TRIM13: variants seen among roughly 807,000 people sequenced by gnomAD.
TRIM13 encodes the protein E3 ubiquitin-protein ligase TRIM13.
A neutral mutation model predicts 27.1 loss-of-function variants in TRIM13; 15 were observed. The observed-to-expected ratio is 0.55, with a 90% CI of 0.37 to 0.85. TRIM13 has a LOEUF of 0.85. TRIM13 is among the 40% of genes least tolerant of loss of function. TRIM13 has a pLI of 0.00. For missense variants in TRIM13, 402 were observed against 472.2 expected, an observed-to-expected ratio of 0.85 and a Z score of 1.38; for synonymous variants, 193 against 171.5, an observed-to-expected ratio of 1.13 and a Z score of -0.98.
chr13:50,013,923 TGTGTGG>T lies in TRIM13; in HGVS notation c.*761_*766del, dbSNP rs1875984093. Reference sequence around the variant, plus strand: ...GTAGAAGATTTCACACACACACGCGTGTGTGGGAGACAACTAAAGGTATTGAAGGTA... The same window carrying T: ...GTAGAAGATTTCACACACACACGCGTGAGACAACTAAAGGTATTGAAGGTA... On this transcript the variant is annotated 3_prime_UTR_variant, in exon 2 of 2. Transcript: ENST00000378182. 6.0e-6 allele frequency: 1 copy of T among 166,700 alleles called. No homozygotes were observed. Among genetic ancestry groups the T allele is most frequent in the Non-Finnish European group, 1.5e-5 (1 of 68,040 alleles). The allele number at this position is 166,700 out of a possible 1,614,324, so 10.3% of individuals were successfully genotyped here.
rs879170111 is a variant in TRIM13, at chr13:50,014,360, T to TATATATATATATATATATGTACAC, written c.*1197_*1198insTATATATATATATATATGTACACA. 6 of 58,544 alleles carry TATATATATATATATATATGTACAC rather than the reference T, an allele frequency of 1.0e-4. No individual in the cohort carries two copies. The highest frequency in any genetic ancestry group is 4.3e-4 in the African/African-American group (6 of 13,974). The allele number at this position is 58,544 out of a possible 1,614,324, so 3.6% of individuals were successfully genotyped here. A position where few individuals can be genotyped will look rare whatever the true frequency, so the allele number is the denominator to read the frequency against. On this transcript the variant is annotated 3_prime_UTR_variant, in exon 2 of 2. Coordinates refer to ENST00000378182, the MANE Select transcript of TRIM13 (RefSeq NM_213590.3). The stretch of plus-strand genomic sequence containing the variant: ...AAAAAAAAAAATATATATATATATA[T>TATATATATATATATATATGTACAC]ACACACACACACACACATATGTACA...
chr13:50,000,055 C>G (rs1411406639), intron 1 of TRIM13, among the ~76,000 whole-genome samples: 3 of 152,116 alleles, frequency 2.0e-5, no homozygotes, highest in African/African-American at 7.2e-5. Context: ...TCTATTCCTA[C>G]CCCATAACTT....
intron 1 of TRIM13, among the ~76,000 whole-genome samples, chr13:49,998,031 T>G (rs992886373): frequency 6.6e-6 from 1 of 152,204 alleles, no homozygotes; most frequent in Admixed American, 6.5e-5. Context: ...TTCCTACTTT[T>G]TTTTCCCTTC....
At chr13:50,007,782 CA>C (rs34741583) in intron 1 of TRIM13, among the ~76,000 whole-genome samples, 78,402 of 127,820 alleles carry the variant, frequency 0.61, 24,167 homozygotes, top group Non-Finnish European at 0.74. Context: ...GACTTAGTCT[CA>C]AAAAAAAAAA....
At chr13:50,010,204 A>C (rs1239577718) in intron 1 of TRIM13, among the ~76,000 whole-genome samples, 1 of 151,924 alleles carries the variant, frequency 6.6e-6, no homozygotes, top group Non-Finnish European at 1.5e-5. Context: ...GCATGCCACC[A>C]TGGCTGGCTA....
chr13:50,015,432 T>G lies in TRIM13; in HGVS notation c.*2268T>G. ...AATCATGTATAACTAGCAACATTTA[T>G]GGTTATAGGTTGATTTCCTAAGTGT... is the stretch of plus-strand genomic sequence containing the variant. On this transcript the variant is annotated 3_prime_UTR_variant, in exon 2 of 2. Transcript: ENST00000378182. 1 of 1,197,628 alleles carries G rather than the reference T, an allele frequency of 8.3e-7. No individual in the cohort carries two copies. The allele number at this position is 1,197,628 out of a possible 1,614,324, so 74.2% of individuals were successfully genotyped here.
In TRIM13 at chr13:50,013,934, CAACT is replaced by C. The variant is rs1566444122; in HGVS notation, c.*773_*776del. The stretch of plus-strand genomic sequence containing the variant: ...CACACACACACGCGTGTGTGGGAGA[CAACT>C]AAAGGTATTGAAGGTACTAATTAAT... On this transcript the variant is annotated 3_prime_UTR_variant, in exon 2 of 2. Coordinates refer to ENST00000378182, the MANE Select transcript of TRIM13 (RefSeq NM_213590.3). The C allele has an allele frequency of 6.0e-6, 1 of 166,386 alleles. No individual in the cohort carries two copies. Among genetic ancestry groups the C allele is most frequent in the Non-Finnish European group, 1.5e-5 (1 of 67,974 alleles). 10.3% of individuals were successfully genotyped at this position (166,386 alleles called of 1,614,324 possible). A position where few individuals can be genotyped will look rare whatever the true frequency, so the allele number is the denominator to read the frequency against.
chr13:50,005,603 A>G (rs371679754), intron 1 of TRIM13, among the ~76,000 whole-genome samples: 3 of 151,694 alleles, frequency 2.0e-5, no homozygotes, highest in East Asian at 3.9e-4. Context: ...TGAACCCAGG[A>G]GGCGGAGGTT....
intron 1 of TRIM13, among the ~76,000 whole-genome samples, chr13:50,004,803 C>T (rs1221921134): frequency 1.3e-5 from 2 of 150,260 alleles, no homozygotes; most frequent in African/African-American, 2.4e-5. Context: ...GGGCCAGGTG[C>T]GGTGGCTCAC....
chr13:50,002,660 CTCTT>C (rs1167205671), intron 1 of TRIM13, among the ~76,000 whole-genome samples: 11 of 151,148 alleles, frequency 7.3e-5, no homozygotes, highest in Admixed American at 2.6e-4. Flanking sequence ...TAATGGATCT[CTCTT>C]TTTTTTTTTT....
rs980005698 is a variant in TRIM13 at position 50,014,042 on chromosome 13, T to A, written c.*878T>A. ...ACATACAAAACCTGGCATTTTCTTG[T>A]GATAAGTTTACATTTTTAGGAGAGT... On this transcript the variant is annotated 3_prime_UTR_variant, in exon 2 of 2. Coordinates refer to ENST00000378182, the MANE Select transcript of TRIM13 (RefSeq NM_213590.3). 1 of 166,802 alleles carries A rather than the reference T, an allele frequency of 6.0e-6. No homozygotes were observed. The highest frequency in any genetic ancestry group is 1.5e-5 in the Non-Finnish European group (1 of 68,062). The allele number at this position is 166,802 out of a possible 1,614,324, so 10.3% of individuals were successfully genotyped here.
At chr13:50,007,348 G>C (rs560129471) in intron 1 of TRIM13, among the ~76,000 whole-genome samples, 1 of 151,266 alleles carries the variant, frequency 6.6e-6, no homozygotes, top group African/African-American at 2.4e-5. Context: ...AAAATTAGCC[G>C]GGCGTGGTGG....
chr13:50,003,120 T>C (rs961344880), intron 1 of TRIM13, among the ~76,000 whole-genome samples: 2 of 152,212 alleles, frequency 1.3e-5, no homozygotes, highest in Admixed American at 1.3e-4. Context: ...CATTTTATTA[T>C]AGGAATTATT....
At position 50,012,185 on chromosome 13, in the gene TRIM13, A is replaced by T; in HGVS notation, c.245A>T (p.Tyr82Phe). The stretch of plus-strand genomic sequence containing the variant: ...TCCCTGAAGGGTATTGTGGAAAAGT[A>T]TAACAAGATCAAGATCTCTCCCAAA... ...NYSLKGIVEK[Y>F]NKIKISPKMP... The change falls in exon 2 of 2, where the codon TAT (tyrosine) becomes TTT (phenylalanine). Residue 82 changes from tyrosine to phenylalanine, a missense_variant. Physicochemically the swap from Tyr to Phe is conservative, Grantham distance 22. Coordinates refer to ENST00000378182, the MANE Select transcript of TRIM13 (RefSeq NM_213590.3). 1 of 1,614,192 alleles carries T rather than the reference A, an allele frequency of 6.2e-7. No individual in the cohort carries two copies. The highest frequency in any genetic ancestry group is 1.1e-5 in the South Asian group (1 of 91,088).
At chr13:50,008,751 C>G (rs1045151548) in intron 1 of TRIM13, among the ~76,000 whole-genome samples, 1 of 151,752 alleles carries the variant, frequency 6.6e-6, no homozygotes, top group Admixed American at 6.6e-5. Context: ...ATTGAGAATC[C>G]TGGCCTGTAA....
At chr13:50,008,683 T>C (rs1566438002) in intron 1 of TRIM13, among the ~76,000 whole-genome samples, 2 of 152,108 alleles carry the variant, frequency 1.3e-5, no homozygotes, top group Non-Finnish European at 2.9e-5. Context: ...AGAAATGGTA[T>C]TGCCTGTATT....
intron 1 of TRIM13, among the ~76,000 whole-genome samples, chr13:50,000,617 A>G (rs1873906713): frequency 6.6e-6 from 1 of 152,264 alleles, no homozygotes; most frequent in African/African-American, 2.4e-5. Flanking sequence ...ACAAAATTGT[A>G]TTATGCTACC....
chr13:50,013,016 C>A lies in TRIM13; in HGVS notation c.1076C>A (p.Thr359Asn). 1.2e-6 allele frequency: 2 copies of A among 1,613,968 alleles called. No individual in the cohort carries two copies. The highest frequency in any genetic ancestry group is 1.7e-6 in the Non-Finnish European group (2 of 1,179,970). ...GCLSNFSSYL[T>N]KTADFIEQSV... ...CTTTCAAACTTCAGTTCCTATCTGA[C>A]TAAAACAGCCGATTTCATAGAACAA... is the stretch of plus-strand genomic sequence containing the variant. Residue 359 changes from threonine (T) to asparagine (N), a missense_variant, in exon 2 of 2, where the codon ACT becomes AAT. By Grantham distance (65) the Thr-to-Asn change is moderately conservative. Transcript: ENST00000378182.
chr13:50,012,881 T>G lies in TRIM13; in HGVS notation c.941T>G (p.Phe314Cys), dbSNP rs902812370. 1.9e-6 allele frequency: 3 copies of G among 1,613,922 alleles called. No homozygotes were observed. In the African/African-American group the frequency reaches 4.0e-5, roughly 22 times the overall value. The change falls in exon 2 of 2, where the codon TTT becomes TGT. Residue 314 changes from phenylalanine to cysteine, a missense_variant. Around this residue, in one of 2 missense-constraint regions of TRIM13, gnomAD observed 200 missense variants for 194.7 expected, o/e 1.03. Transcript: ENST00000378182. Reference protein sequence around the residue: ...GTFISKIPWSFYKLFLLILLL... With the variant: ...GTFISKIPWSCYKLFLLILLL... The stretch of plus-strand genomic sequence containing the variant: ...TTCATTAGCAAGATTCCCTGGAGCT[T>G]TTATAAGTTATTTTTGCTAATCCTT...
Sources: allele counts gnomAD v4.1 joint callset (sites outside exome capture counted in the v4.1 genomes callset), GRCh38; gene constraint gnomAD v4.1.1; regional missense constraint gnomAD v4.1.1; transcripts MANE v1.5; gene names NCBI Gene and HGNC (gene_info 2026-07-23, HGNC 2026-07-21).